Variants in TMEM132D observed in about 807,000 individuals in gnomAD.
The protein encoded by TMEM132D is mature OL transmembrane protein.
In TMEM132D, 21 loss-of-function variants were observed where a neutral mutation model predicts 62.3. That is an observed-to-expected ratio of 0.34 (90% CI 0.24 to 0.49). The LOEUF is 0.49. Ranked by LOEUF, TMEM132D falls within the 20% of genes least tolerant of loss-of-function variation. The pLI is 0.99. For synonymous variants in TMEM132D, 621 were observed against 575.6 expected (o/e 1.08, Z -1.13); for missense variants, 1,346 against 1,402.8 (o/e 0.96, Z 0.65).
chr12:129,775,561 T>TAACAAAGGGATGGAAGC (rs991275364), intron 1 of TMEM132D, among the ~76,000 whole-genome samples: 6 of 152,016 alleles, frequency 3.9e-5, no homozygotes, highest in African/African-American at 7.3e-5. Context: ...TGAGGCCAAC[T>TAACAAAGGGATGGAAGC]AACAAAGGGA....
intron 3 of TMEM132D, among the ~76,000 whole-genome samples, chr12:129,340,086 C>A (rs1244643380): frequency 6.6e-6 from 1 of 152,118 alleles, no homozygotes; most frequent in Non-Finnish European, 1.5e-5. Flanking sequence ...CCTAGAAGAG[C>A]CACCTATAAT....
At chr12:129,110,072 C>T (rs1266228322) in intron 5 of TMEM132D, 1 of 152,404 alleles carries the variant, frequency 6.6e-6, no homozygotes, top group African/African-American at 2.4e-5. Flanking sequence ...CCCAGTGCTT[C>T]CTGCAGTCAG....
At chr12:129,353,643 T>A (rs188423565) in intron 3 of TMEM132D, among the ~76,000 whole-genome samples, 96 of 152,300 alleles carry the variant, frequency 6.3e-4, no homozygotes, top group African/African-American at 2.1e-3. Flanking sequence ...CACGGGGCTA[T>A]GTCAGACTTG....
intron 1 of TMEM132D, among the ~76,000 whole-genome samples, chr12:129,808,833 A>C (rs921662248): frequency 3.3e-5 from 5 of 152,064 alleles, no homozygotes; most frequent in Non-Finnish European, 5.9e-5. Flanking sequence ...TTTTTTACAA[A>C]GAACACAAAG....
chr12:129,116,708 T>C (rs1284019085), intron 5 of TMEM132D, among the ~76,000 whole-genome samples: 2 of 152,056 alleles, frequency 1.3e-5, no homozygotes, highest in Admixed American at 6.6e-5. Context: ...ATATTCCTAG[T>C]AGAACAGCTA....
chr12:129,778,601 T>C (rs766648371), intron 1 of TMEM132D, among the ~76,000 whole-genome samples: 2 of 152,190 alleles, frequency 1.3e-5, no homozygotes, highest in Non-Finnish European at 2.9e-5. Flanking sequence ...AAGTTGCTCT[T>C]GCACTGGGAT....
chr12:129,313,555 ATG>A (rs1303829904), intron 4 of TMEM132D, among the ~76,000 whole-genome samples: 1,527 of 126,640 alleles, frequency 0.012, 33 homozygotes, highest in African/African-American at 0.04. Context: ...ATATATATAT[ATG>A]TGTGTGTGTG....
At chr12:129,279,788 G>A (rs529200557) in intron 4 of TMEM132D, among the ~76,000 whole-genome samples, 9 of 152,296 alleles carry the variant, frequency 5.9e-5, no homozygotes, top group South Asian at 2.1e-4. Context: ...ACAAGCGTCC[G>A]ATGGTGATCT....
Position 129,342,866 on chromosome 12 carries a change from C to T in TMEM132D, c.1116-5049G>A, listed in dbSNP as rs376372350. On this transcript the variant is annotated intron_variant, in intron 3 of 8. Coordinates refer to ENST00000422113, the MANE Select transcript of TMEM132D (RefSeq NM_133448.3). ...GCCATCAGAGAAATGCAAATCAAAA[C>T]CACAATGAGATACCATCTCACACCA... Among the ~76,000 whole-genome samples the T allele has an allele frequency of 9.7e-4, 147 of 152,274 alleles. No homozygotes were observed. In the East Asian group the frequency reaches 0.025, roughly 26 times the overall value.
intron 3 of TMEM132D, among the ~76,000 whole-genome samples, chr12:129,440,477 G>A (rs1003266622): frequency 2.6e-5 from 4 of 152,158 alleles, no homozygotes; most frequent in Admixed American, 6.5e-5. Context: ...CATGTGGCGC[G>A]TGGAGGCAAA....
intron 3 of TMEM132D, among the ~76,000 whole-genome samples, chr12:129,355,045 C>T (rs1257831460): frequency 2.0e-5 from 3 of 152,208 alleles, no homozygotes; most frequent in Non-Finnish European, 4.4e-5. Context: ...TCACAAGAGA[C>T]TTTGCAGTTA....
At chr12:129,109,443 T>A (rs1198511529) in intron 5 of TMEM132D, among the ~76,000 whole-genome samples, 4 of 152,240 alleles carry the variant, frequency 2.6e-5, no homozygotes, top group Non-Finnish European at 5.9e-5. Flanking sequence ...GACTTTTGCC[T>A]GCATGTAGCA....
chr12:129,374,842 C>T (rs928827351), intron 3 of TMEM132D, among the ~76,000 whole-genome samples: 5 of 152,288 alleles, frequency 3.3e-5, no homozygotes, highest in Non-Finnish European at 5.9e-5. Flanking sequence ...GCAGTGACTT[C>T]GAACACACTG....
At chr12:129,738,612 G>A (rs905287426) in intron 1 of TMEM132D, among the ~76,000 whole-genome samples, 3 of 152,120 alleles carry the variant, frequency 2.0e-5, no homozygotes, top group Admixed American at 2.0e-4. Context: ...GGAGGAAATT[G>A]GAAATCTATA....
At chr12:129,889,926 C>T (rs188462930) in intron 1 of TMEM132D, among the ~76,000 whole-genome samples, 4 of 152,224 alleles carry the variant, frequency 2.6e-5, no homozygotes, top group Admixed American at 1.3e-4. Context: ...AACGGGAATG[C>T]GAGAAACACA....
At chr12:129,150,939 G>C (rs1019006264) in intron 5 of TMEM132D, among the ~76,000 whole-genome samples, 1 of 152,146 alleles carries the variant, frequency 6.6e-6, no homozygotes, top group Non-Finnish European at 1.5e-5. Flanking sequence ...TCTCTCCCCT[G>C]GCTGGTGGTG....
chr12:129,155,593 A>T (rs1402633328), intron 5 of TMEM132D, among the ~76,000 whole-genome samples: 1 of 152,218 alleles, frequency 6.6e-6, no homozygotes, highest in African/African-American at 2.4e-5. Flanking sequence ...GAGGCTGGGA[A>T]GCCCAATATT....
intron 3 of TMEM132D, among the ~76,000 whole-genome samples, chr12:129,465,270 T>C (rs1873846080): frequency 6.6e-6 from 1 of 152,180 alleles, no homozygotes; most frequent in Non-Finnish European, 1.5e-5. Context: ...AAACTCTTGA[T>C]AAATTAAGTA....
intron 3 of TMEM132D, among the ~76,000 whole-genome samples, chr12:129,431,869 T>C (rs750365413): frequency 1.3e-5 from 2 of 152,200 alleles, no homozygotes; most frequent in South Asian, 4.1e-4. Context: ...TTGCTTTCCT[T>C]GAACACACCA....
Sources: allele counts gnomAD v4.1 joint callset (sites outside exome capture counted in the v4.1 genomes callset), GRCh38; gene constraint gnomAD v4.1.1; transcripts MANE v1.5; gene names NCBI Gene and HGNC (gene_info 2026-07-23, HGNC 2026-07-21).